Variants in KCND2 observed in about 807,000 individuals in gnomAD.
KCND2 encodes the protein potassium voltage-gated channel subfamily D member 2.
Under a neutral mutation model 54.4 loss-of-function variants are expected in KCND2, and 16 were observed. The ratio of observed to expected loss-of-function variants is 0.29; its 90% CI spans 0.20 to 0.45. The LOEUF (loss-of-function observed/expected upper bound fraction) is 0.45. KCND2 is among the 20% of genes least tolerant of loss of function. The pLI is 1.00. For synonymous variants in KCND2, 317 were observed against 310.7 expected (o/e 1.02, Z -0.21); for missense variants, 486 against 824.2 (o/e 0.59, Z 5.02).
At position 120,274,962 on chromosome 7, in the gene KCND2, G is replaced by A. The variant is rs1584706391; in HGVS notation, c.330G>A (p.Glu110=). 1 of 1,614,082 alleles carries A rather than the reference G, an allele frequency of 6.2e-7. No homozygotes were observed. The highest frequency in any genetic ancestry group is 8.5e-7 in the Non-Finnish European group (1 of 1,180,030). The change falls in exon 1 of 6, where the codon GAG becomes GAA. Residue 110 remains glutamate, a synonymous_variant. Transcript: ENST00000331113. ...GGAAGCTCCACTATCCTCGCCACGA[G>A]TGCATCTCTGCTTACGATGAAGAAC... The part of the protein sequence containing the change: ...RTGKLHYPRH[E]CISAYDEELA...
chr7:120,418,813 G>A (rs2116127890), intron 1 of KCND2, among the ~76,000 whole-genome samples: 1 of 152,138 alleles, frequency 6.6e-6, no homozygotes. Context: ...CTCCATGAGT[G>A]GCTGTACTCT....
intron 1 of KCND2, among the ~76,000 whole-genome samples, chr7:120,474,322 C>T (rs1368556842): frequency 1.3e-5 from 2 of 151,974 alleles, no homozygotes; most frequent in African/African-American, 4.8e-5. Context: ...GGCTTCTTTT[C>T]AGAATTATTC....
intron 1 of KCND2, among the ~76,000 whole-genome samples, chr7:120,323,108 G>T (rs933433529): frequency 1.3e-5 from 2 of 151,680 alleles, no homozygotes; most frequent in African/African-American, 4.8e-5. Context: ...TTCAAGCCTC[G>T]CATGCATTAG....
chr7:120,545,851 T>G (rs1479533835), intron 1 of KCND2, among the ~76,000 whole-genome samples: 1 of 151,730 alleles, frequency 6.6e-6, no homozygotes. Flanking sequence ...TAACTTCTCA[T>G]TCAGTGACTG....
chr7:120,326,763 TGCAGGAAA>T (rs138135062), intron 1 of KCND2, among the ~76,000 whole-genome samples: 1,990 of 152,232 alleles, frequency 0.013, 44 homozygotes, highest in African/African-American at 0.043. Flanking sequence ...GAAAGTAAAC[TGCAGGAAA>T]GCAGCAATAT....
chr7:120,415,896 G>A (rs955129010), intron 1 of KCND2, among the ~76,000 whole-genome samples: 2 of 152,144 alleles, frequency 1.3e-5, no homozygotes, highest in South Asian at 4.1e-4. Flanking sequence ...GAAAGGGACA[G>A]GCATCCATCC....
At chr7:120,281,197 A>G (rs915814360) in intron 1 of KCND2, among the ~76,000 whole-genome samples, 2 of 152,162 alleles carry the variant, frequency 1.3e-5, no homozygotes, top group Non-Finnish European at 2.9e-5. Context: ...ACAAATGGTG[A>G]AATAAACATT....
At chr7:120,483,541 T>G (rs967811193) in intron 1 of KCND2, among the ~76,000 whole-genome samples, 1 of 152,144 alleles carries the variant, frequency 6.6e-6, no homozygotes, top group Non-Finnish European at 1.5e-5. Context: ...CCTGAAAATA[T>G]CTGCATTTGG....
At chr7:120,326,330 G>A (rs1421146204) in intron 1 of KCND2, among the ~76,000 whole-genome samples, 3 of 152,002 alleles carry the variant, frequency 2.0e-5, no homozygotes, top group Non-Finnish European at 4.4e-5. Context: ...GTAGAGAAAT[G>A]ACACTCGTTT....
At chr7:120,546,906 T>C (rs1792048907) in intron 1 of KCND2, among the ~76,000 whole-genome samples, 1 of 151,936 alleles carries the variant, frequency 6.6e-6, no homozygotes, top group African/African-American at 2.4e-5. Context: ...AATACTTGTC[T>C]TTAAAAATTG....
At chr7:120,554,158 T>C (rs938224380) in intron 1 of KCND2, among the ~76,000 whole-genome samples, 12 of 152,232 alleles carry the variant, frequency 7.9e-5, no homozygotes, top group African/African-American at 2.9e-4. Context: ...AATAGGAGTT[T>C]AGGATTCAAA....
chr7:120,347,903 G>A (rs1800344222), intron 1 of KCND2, among the ~76,000 whole-genome samples: 1 of 152,180 alleles, frequency 6.6e-6, no homozygotes, highest in East Asian at 1.9e-4. Flanking sequence ...GAGGGTGCCA[G>A]CATGGTGAGG....
chr7:120,649,673 A>G (rs1295745078), intron 1 of KCND2, among the ~76,000 whole-genome samples: 3 of 152,134 alleles, frequency 2.0e-5, no homozygotes, highest in African/African-American at 7.2e-5. Flanking sequence ...GCCCTTTGTC[A>G]AATGAGTAGT....
chr7:120,441,169 G>A (rs1429801691), intron 1 of KCND2, among the ~76,000 whole-genome samples: 2 of 152,030 alleles, frequency 1.3e-5, no homozygotes, highest in Non-Finnish European at 2.9e-5. Context: ...GCACCGTTCT[G>A]TAGAATCAAA....
intron 1 of KCND2, among the ~76,000 whole-genome samples, chr7:120,595,495 ATATG>A (rs1792729681): frequency 6.9e-6 from 1 of 143,962 alleles, no homozygotes; most frequent in African/African-American, 2.5e-5. Flanking sequence ...ATATATATAT[ATATG>A]TGTGTGTGTG....
intron 1 of KCND2, among the ~76,000 whole-genome samples, chr7:120,627,325 CAT>C (rs1793176182): frequency 1.3e-5 from 2 of 151,988 alleles, no homozygotes; most frequent in Non-Finnish European, 2.9e-5. Flanking sequence ...TGAGAATAAA[CAT>C]ATGAGAAATG....
At chr7:120,279,204 G>C (rs1226531723) in intron 1 of KCND2, among the ~76,000 whole-genome samples, 4 of 151,952 alleles carry the variant, frequency 2.6e-5, no homozygotes, top group African/African-American at 9.7e-5. Flanking sequence ...TCAAGCTTCA[G>C]TTTACTATTG....
At chr7:120,558,737 G>A (rs60293765) in intron 1 of KCND2, among the ~76,000 whole-genome samples, 12,907 of 152,004 alleles carry the variant, frequency 0.085, 635 homozygotes, top group South Asian at 0.09. Context: ...GGGATAATTT[G>A]GGCCTTAAAT....
intron 1 of KCND2, among the ~76,000 whole-genome samples, chr7:120,602,211 G>T (rs867616026): frequency 6.6e-6 from 1 of 152,282 alleles, no homozygotes. Context: ...TCATTTTAGA[G>T]AATTCATGAG....
Sources: gnomAD v4.1 joint callset for allele counts (sites outside exome capture counted in the v4.1 genomes callset) on GRCh38, gnomAD v4.1.1 for gene constraint, MANE v1.5 for transcripts, NCBI Gene and HGNC (gene_info 2026-07-23, HGNC 2026-07-21) for gene names.